MSH4: variants seen among roughly 807,000 people sequenced by gnomAD.
MSH4 encodes the protein mutS protein homolog 4.
MSH4 carries 106 observed loss-of-function variants against 113.7 expected under a neutral mutation model. The observed-to-expected ratio is 0.93, with a 90% confidence interval of 0.80 to 1.10. The LOEUF is 1.10. Among genes scored for constraint, MSH4 ranks in the 50% least tolerant of loss-of-function variants. The probability of loss-of-function intolerance (pLI) is 0.00; values close to 1 mark genes in which losing one functional copy is unlikely to be tolerated. For synonymous variants in MSH4, 368 were observed against 380.2 expected, an observed-to-expected ratio of 0.97 and a Z score of 0.37; for missense variants, 1,061 against 1,093.7, an observed-to-expected ratio of 0.97 and a Z score of 0.42.
chr1:75,857,643 C>T (rs1651350040), intron 8 of MSH4, among the ~76,000 whole-genome samples: 1 of 152,100 alleles, frequency 6.6e-6, no homozygotes, highest in South Asian at 2.1e-4. Flanking sequence ...TTCCGTTGGT[C>T]TATATATCTG....
intron 4 of MSH4, among the ~76,000 whole-genome samples, chr1:75,813,580 A>G (rs1463760200): frequency 6.6e-6 from 1 of 152,172 alleles, no homozygotes; most frequent in Non-Finnish European, 1.5e-5. Context: ...CTCATTGATA[A>G]GGTTACATTT....
intron 1 of MSH4, among the ~76,000 whole-genome samples, chr1:75,798,947 A>T (rs1646377462): frequency 6.6e-6 from 1 of 152,152 alleles, no homozygotes; most frequent in Admixed American, 6.5e-5. Context: ...GTCCCTTGCC[A>T]CTTAAATCAG....
At chr1:75,824,796 G>C (rs1191758226) in intron 7 of MSH4, among the ~76,000 whole-genome samples, 2 of 151,558 alleles carry the variant, frequency 1.3e-5, no homozygotes, top group African/African-American at 4.9e-5. Context: ...TCAGGTCTCT[G>C]TTCTGTTCCA....
intron 6 of MSH4, 62 bp downstream of exon 6, chr1:75,816,608 G>T: frequency 2.0e-6 from 2 of 1,021,356 alleles, no homozygotes; most frequent in Non-Finnish European, 2.6e-6. Context: ...TCTATTAATG[G>T]TAACTTTAAA....
At chr1:75,869,732 C>G (rs570276721) in intron 9 of MSH4, among the ~76,000 whole-genome samples, 1 of 152,324 alleles carries the variant, frequency 6.6e-6, no homozygotes, top group Non-Finnish European at 1.5e-5. Flanking sequence ...GAGCCTCCAC[C>G]TAGATTTCAG....
At chr1:75,806,867 A>C (rs980919765) in intron 2 of MSH4, 114 bp from the exon 3 acceptor site, 1 of 869,984 alleles carries the variant, frequency 1.1e-6, no homozygotes, top group East Asian at 3.2e-5. Flanking sequence ...AGGCTAACTG[A>C]TATCTACAGA....
rs530705094 is a variant in MSH4, at chr1:75,885,275, A to G, written c.2107+1454A>G. 2.3e-3 allele frequency among the ~76,000 whole-genome samples: 311 copies of G among 136,264 alleles called. 4 individuals carry two copies. The highest frequency in any genetic ancestry group is 8.0e-3 in the African/African-American group (296 of 36,862). 89.4% of individuals were successfully genotyped at this position (136,264 alleles called of 152,430 possible). On this transcript the variant is annotated intron_variant, in intron 15 of 19. Transcript: ENST00000263187. ...ATTATATATATAAAATATGTATATAATACCGTATATATACTACGTAGTATA... is the reference window on the plus strand; with the variant it reads ...ATTATATATATAAAATATGTATATAGTACCGTATATATACTACGTAGTATA...
chr1:75,854,002 AGTGT>A (rs147430823), intron 8 of MSH4, among the ~76,000 whole-genome samples: 2 of 22,170 alleles, frequency 9.0e-5, no homozygotes, highest in Non-Finnish European at 1.7e-4. Context: ...CTAGGGCATA[AGTGT>A]GTGTGTGTAT....
At chr1:75,835,964 G>A (rs901690711) in intron 7 of MSH4, among the ~76,000 whole-genome samples, 24 of 152,030 alleles carry the variant, frequency 1.6e-4, no homozygotes, top group East Asian at 7.7e-4. Context: ...GCTGGTCTGC[G>A]TGCCTAGTGG....
intron 7 of MSH4, among the ~76,000 whole-genome samples, chr1:75,841,816 A>G (rs1468630363): frequency 1.3e-5 from 2 of 152,238 alleles, no homozygotes; most frequent in Non-Finnish European, 2.9e-5. Context: ...ATAGAATCAC[A>G]TGTAAAATGT....
chr1:75,847,238 T>G (rs1651094491), intron 7 of MSH4, among the ~76,000 whole-genome samples: 1 of 152,182 alleles, frequency 6.6e-6, no homozygotes, highest in African/African-American at 2.4e-5. Flanking sequence ...TTCCAACACA[T>G]GAACGTTGGG....
rs923787437 is a variant in MSH4, at chr1:75,797,062, C to T, written c.77C>T (p.Pro26Leu). 1 of 1,614,062 alleles carries T rather than the reference C, an allele frequency of 6.2e-7. No homozygotes were observed. Among genetic ancestry groups the T allele is most frequent in the Non-Finnish European group, 8.5e-7 (1 of 1,179,936 alleles). Reference sequence around the variant, plus strand: ...CCGTCGTCGGGAGAAACCCGCTCACCTCAGGGTCCCCGCTACAATTTCGGA... The same window carrying T: ...CCGTCGTCGGGAGAAACCCGCTCACTTCAGGGTCCCCGCTACAATTTCGGA... ...VSPSSGETRS[P>L]QGPRYNFGLQ... The change falls in exon 1 of 20, where the codon CCT becomes CTT. Residue 26 changes from proline to leucine, a missense_variant. By Grantham distance (98) the Pro-to-Leu change is moderately conservative (BLOSUM62 -3). Transcript: ENST00000263187.
At chr1:75,880,663 T>C (rs1476447516) in intron 13 of MSH4, among the ~76,000 whole-genome samples, 2 of 152,102 alleles carry the variant, frequency 1.3e-5, no homozygotes, top group Non-Finnish European at 2.9e-5. Flanking sequence ...TTTTAATATA[T>C]AGTAAGTTTT....
chr1:75,867,417 ATGGGATATGGAAAG>A, intron 8 of MSH4, 83 bp from the exon 9 acceptor site: 1 of 704,820 alleles, frequency 1.4e-6, no homozygotes, highest in African/African-American at 2.2e-5. Flanking sequence ...ATAAAAATAT[ATGGGATATGGAAAG>A]AGTAAGAATG....
At chr1:75,878,387 T>C (rs1435671908) in intron 11 of MSH4, 69 bp downstream of exon 11, 1 of 1,224,928 alleles carries the variant, frequency 8.2e-7, no homozygotes, top group Non-Finnish European at 1.1e-6. Flanking sequence ...CTGTCCTTTT[T>C]TGCTGCTGAT....
chr1:75,888,184 C>T (rs555498377), intron 15 of MSH4, among the ~76,000 whole-genome samples: 15 of 151,168 alleles, frequency 9.9e-5, no homozygotes, highest in Non-Finnish European at 1.6e-4. Context: ...CTATTCTTTA[C>T]CCTTTTTTTG....
chr1:75,822,992 A>T (rs1274867405), intron 7 of MSH4, among the ~76,000 whole-genome samples: 1 of 152,164 alleles, frequency 6.6e-6, no homozygotes, highest in Non-Finnish European at 1.5e-5. Flanking sequence ...AAACAACAGA[A>T]AGTTTTTGTC....
chr1:75,849,243 T>G (rs1227091923), intron 8 of MSH4, among the ~76,000 whole-genome samples: 2 of 152,198 alleles, frequency 1.3e-5, no homozygotes, highest in Non-Finnish European at 2.9e-5. Flanking sequence ...AGTCTTTAAA[T>G]ATTCTTAACC....
intron 4 of MSH4, among the ~76,000 whole-genome samples, chr1:75,812,030 C>T (rs1002151950): frequency 2.0e-5 from 3 of 152,020 alleles, no homozygotes; most frequent in Non-Finnish European, 4.4e-5. Context: ...TTTCATTATG[C>T]CTATTTATCC....
Sources: allele counts gnomAD v4.1 joint callset (sites outside exome capture counted in the v4.1 genomes callset), GRCh38; gene constraint gnomAD v4.1.1; transcripts MANE v1.5; gene names NCBI Gene and HGNC (gene_info 2026-07-23, HGNC 2026-07-21).